Variants in PCDHGB1 observed in about 807,000 individuals in gnomAD.
The protein encoded by PCDHGB1 is protocadherin gamma subfamily B, 1, also known as protocadherin gamma-B1.
A neutral mutation model predicts 56.6 loss-of-function variants in PCDHGB1; 34 were observed. That is an observed-to-expected ratio of 0.60 (90% CI 0.46 to 0.80). The LOEUF is 0.80. PCDHGB1 is among the 30% of genes least tolerant of loss of function. PCDHGB1 has a pLI of 0.00. For synonymous variants in PCDHGB1, 561 were observed against 505.9 expected (o/e 1.11, Z -1.46); for missense variants, 1,278 against 1,204.6 (o/e 1.06, Z -0.90).
intron 1 of PCDHGB1, among the ~76,000 whole-genome samples, chr5:141,358,331 G>C (rs1760885961): frequency 6.6e-6 from 1 of 152,204 alleles, no homozygotes; most frequent in East Asian, 1.9e-4. Flanking sequence ...TGAAGCTATT[G>C]TTGGATCTGG....
chr5:141,415,419 C>T (rs2095868053), intron 1 of PCDHGB1: 1 of 1,614,196 alleles, frequency 6.2e-7, no homozygotes, highest in Non-Finnish European at 8.5e-7. Context: ...TGGGCGTGGA[C>T]GGGGTTCGGG....
chr5:141,435,952 G>A lies in PCDHGB1; in HGVS notation c.2410-58855G>A, dbSNP rs944960593. ...TTGCTGCTTCTGAGACCAAAAAAGG[G>A]GGCAAAATATAGAGTGTGTGGTTCT... is the stretch of plus-strand genomic sequence containing the variant. On this transcript the variant is annotated intron_variant, in intron 1 of 3. Transcript: ENST00000523390. Among the ~76,000 whole-genome samples the A allele has an allele frequency of 2.6e-5, 4 of 152,098 alleles. No individual in the cohort carries two copies. The South Asian group carries it at 8.3e-4, about 32-fold the overall frequency.
intron 1 of PCDHGB1, chr5:141,422,099 A>C (rs374091819): frequency 6.2e-7 from 1 of 1,609,706 alleles, no homozygotes; most frequent in Non-Finnish European, 8.5e-7. Context: ...AAGGCTTCTG[A>C]AATATTCCAA....
intron 1 of PCDHGB1, chr5:141,364,493 G>A (rs1480199754): frequency 4.3e-6 from 7 of 1,614,018 alleles, no homozygotes; most frequent in Non-Finnish European, 5.9e-6. Flanking sequence ...CCTTGGGCTG[G>A]AGCCCCAGGA....
chr5:141,397,510 C>T (rs979129643), intron 1 of PCDHGB1, among the ~76,000 whole-genome samples: 2 of 152,098 alleles, frequency 1.3e-5, no homozygotes, highest in African/African-American at 2.4e-5. Context: ...AAAATTGTTT[C>T]CATAGCTAAT....
At chr5:141,392,730 C>T (rs1374381872) in intron 1 of PCDHGB1, 10 of 1,409,212 alleles carry the variant, frequency 7.1e-6, no homozygotes, top group Non-Finnish European at 8.4e-6. Context: ...GGAGGATTGT[C>T]ATCTCCATAG....
At position 141,487,791 on chromosome 5, in the gene PCDHGB1, C is replaced by T; in HGVS notation, c.2410-7016C>T. ...CTTTGTAACTGTTTCGTGAATTAAC[C>T]AGAGTTGTCACAGTTTAGCATTGGG... On this transcript the variant is annotated intron_variant, in intron 1 of 3. Coordinates refer to ENST00000523390, the MANE Select transcript of PCDHGB1 (RefSeq NM_018922.3). This position sits in a 1 kb window ranked among gnomAD's most constrained non-coding sequence, Gnocchi z 5.0. 6.6e-7 allele frequency: 1 copy of T among 1,510,152 alleles called. No individual in the cohort carries two copies. The highest frequency in any genetic ancestry group is 1.4e-5 in the African/African-American group (1 of 72,206). The allele number at this position is 1,510,152 out of a possible 1,614,324, so 93.5% of individuals were successfully genotyped here. A position where few individuals can be genotyped will look rare whatever the true frequency, so the allele number is the denominator to read the frequency against.
At chr5:141,450,770 AG>A (rs1354382498) in intron 1 of PCDHGB1, among the ~76,000 whole-genome samples, 1 of 151,448 alleles carries the variant, frequency 6.6e-6, no homozygotes, top group Non-Finnish European at 1.5e-5. Context: ...TACAGGCATG[AG>A]CCACCGTGCC....
intron 1 of PCDHGB1, chr5:141,377,601 C>G: frequency 7.5e-6 from 1 of 133,100 alleles, no homozygotes; most frequent in South Asian, 2.3e-4. Flanking sequence ...TTCTCTCTCT[C>G]TCTCAAAAAA....
At position 141,489,664 on chromosome 5, in the gene PCDHGB1, A is replaced by G. The variant is rs745597010; in HGVS notation, c.2410-5143A>G. On this transcript the variant is annotated intron_variant, in intron 1 of 3. Transcript: ENST00000523390. The surrounding 1 kb of genome is among the most constrained non-coding windows in gnomAD (Gnocchi z 4.5). ...TGCCACCCCTGAGCGAGAGATGCGCATCTCAGAATCAGCAGCATCTGGGGC... is the reference window on the plus strand; with the variant it reads ...TGCCACCCCTGAGCGAGAGATGCGCGTCTCAGAATCAGCAGCATCTGGGGC... 1 of 1,614,106 alleles carries G rather than the reference A, an allele frequency of 6.2e-7. No homozygotes were observed. The highest frequency in any genetic ancestry group is 8.5e-7 in the Non-Finnish European group (1 of 1,180,050).
rs1231121250 is a variant in PCDHGB1 at position 141,399,544 on chromosome 5, T to G, written c.2409+46875T>G. The G allele has an allele frequency of 5.6e-6, 9 of 1,614,022 alleles. No individual in the cohort carries two copies. The highest frequency in any genetic ancestry group is 7.6e-6 in the Non-Finnish European group (9 of 1,179,882). ...GGCCTCCATCGCGCAAGTCTGCGCCTCGGACCTGGACTTGGGGTTGAACGG... is the reference window on the plus strand; with the variant it reads ...GGCCTCCATCGCGCAAGTCTGCGCCGCGGACCTGGACTTGGGGTTGAACGG... On this transcript the variant is annotated intron_variant, in intron 1 of 3. Transcript: ENST00000523390.
chr5:141,379,709 C>G (rs1200100284), intron 1 of PCDHGB1: 1 of 152,094 alleles, frequency 6.6e-6, no homozygotes, highest in Non-Finnish European at 1.5e-5. Context: ...AACATCCTGG[C>G]AGTCATGGAA....
Position 141,485,190 on chromosome 5 carries a change from G to C in PCDHGB1, c.2410-9617G>C. 6.2e-7 allele frequency: 1 copy of C among 1,613,920 alleles called. No individual in the cohort carries two copies. Among genetic ancestry groups the C allele is most frequent in the Non-Finnish European group, 8.5e-7 (1 of 1,179,788 alleles). Reference sequence around the variant, plus strand: ...GCGGCAGCAATGCTCCGCAAGGTGAGAAGCTGGACAGAAATCTGGCGGTGG... The same window carrying C: ...GCGGCAGCAATGCTCCGCAAGGTGACAAGCTGGACAGAAATCTGGCGGTGG... On this transcript the variant is annotated intron_variant, in intron 1 of 3. Coordinates refer to ENST00000523390, the MANE Select transcript of PCDHGB1 (RefSeq NM_018922.3). This position sits in a 1 kb window ranked among gnomAD's most constrained non-coding sequence, Gnocchi z 5.7.
chr5:141,395,264 A>C (rs2093207486), intron 1 of PCDHGB1: 1 of 1,549,832 alleles, frequency 6.5e-7, no homozygotes, highest in Non-Finnish European at 8.7e-7. Context: ...GCTTGCTTTT[A>C]ATTTCCAGAT....
rs778230963 is a variant in PCDHGB1, at chr5:141,351,291, C to T, written c.1031C>T (p.Thr344Ile). ...VDENDNAPEV[T>I]FMSFSNQIPE... ...GAGAATGACAATGCCCCAGAGGTGACATTCATGTCCTTCTCTAACCAGATT... is the reference window on the plus strand; with the variant it reads ...GAGAATGACAATGCCCCAGAGGTGATATTCATGTCCTTCTCTAACCAGATT... Residue 344 changes from threonine to isoleucine, a missense_variant, in exon 1 of 4, where the codon ACA (threonine) becomes ATA (isoleucine). Transcript: ENST00000523390. 1.7e-5 allele frequency: 27 copies of T among 1,613,784 alleles called. No individual in the cohort carries two copies. The highest frequency in any genetic ancestry group is 2.1e-5 in the Non-Finnish European group (25 of 1,179,734).
intron 1 of PCDHGB1, chr5:141,355,912 A>G: frequency 1.2e-6 from 2 of 1,613,756 alleles, no homozygotes; most frequent in South Asian, 1.1e-5. Flanking sequence ...TACCAACGAT[A>G]ATGCTCCCGT....
chr5:141,454,172 C>T (rs1001368287), intron 1 of PCDHGB1, among the ~76,000 whole-genome samples: 4 of 152,126 alleles, frequency 2.6e-5, no homozygotes, highest in Non-Finnish European at 5.9e-5. Context: ...TCTAGAAGGG[C>T]AGCTAAAGGA....
chr5:141,392,641 C>A, intron 1 of PCDHGB1: 2 of 655,502 alleles, frequency 3.1e-6, no homozygotes, highest in East Asian at 5.8e-5. Flanking sequence ...TCACACCTCA[C>A]GAAGACCCGC....
chr5:141,400,220 T>C, intron 1 of PCDHGB1: 1 of 1,614,006 alleles, frequency 6.2e-7, no homozygotes. Context: ...ATCTCAGTGC[T>C]CTTCCTCCTG....
Sources: allele counts gnomAD v4.1 joint callset (sites outside exome capture counted in the v4.1 genomes callset), GRCh38; gene constraint gnomAD v4.1.1; non-coding constraint Gnocchi (gnomAD v3.1); transcripts MANE v1.5; gene names NCBI Gene and HGNC (gene_info 2026-07-23, HGNC 2026-07-21).